The following POLE2 variants were observed in gnomAD, a reference collection of about 807,000 sequenced individuals.
POLE2 encodes the protein DNA polymerase epsilon subunit 2.
POLE2 carries 56 observed loss-of-function variants against 79.4 expected under a neutral mutation model. That is an observed-to-expected ratio of 0.71 (90% CI 0.57 to 0.88). The LOEUF (loss-of-function observed/expected upper bound fraction) is 0.88. POLE2 is among the 40% of genes least tolerant of loss of function. The probability of loss-of-function intolerance (pLI) is 0.00; values close to 1 mark genes in which losing one functional copy is unlikely to be tolerated. For synonymous variants in POLE2, 212 were observed against 214.0 expected (o/e 0.99, Z 0.08); for missense variants, 598 against 638.9 (o/e 0.94, Z 0.69).
At chr14:49,685,835 G>C (rs1335280405) in intron 1 of POLE2, among the ~76,000 whole-genome samples, 1 of 151,608 alleles carries the variant, frequency 6.6e-6, no homozygotes, top group Non-Finnish European at 1.5e-5. Context: ...CATCATGTTG[G>C]TCAGGCCGGT....
chr14:49,680,372 C>CT lies in POLE2; in HGVS notation c.170-573dup, dbSNP rs145136202. Among the ~76,000 whole-genome samples the CT allele has an allele frequency of 1.8e-4, 27 of 151,886 alleles. No homozygotes were observed. The East Asian group carries it at 5.2e-3, about 29-fold the overall frequency. On this transcript the variant is annotated intron_variant, in intron 2 of 18. Transcript: ENST00000216367. ...CTATCTCAAAAAAAAAAAAAATTCT[C>CT]TAAGCTCCCAGTTTTAATAAGGTTA... is the stretch of plus-strand genomic sequence containing the variant.
At position 49,669,549 on chromosome 14, in the gene POLE2, G is replaced by T; in HGVS notation, c.467C>A (p.Pro156His). The change falls in exon 6 of 19, where the codon CCT (proline) becomes CAT (histidine). Residue 156 changes from proline (P) to histidine (H), a missense_variant. Coordinates refer to ENST00000216367, the MANE Select transcript of POLE2 (RefSeq NM_002692.4). The part of the protein sequence containing the change: ...LFTPPVIGSH[P>H]DESGSKFQLK... ...CTGGAATTTGCTTCCGCTTTCATCA[G>T]GGTGAGAACCTATCACCGGAGGAGT... The T allele has an allele frequency of 6.3e-7, 1 of 1,597,176 alleles. No homozygotes were observed. The highest frequency in any genetic ancestry group is 8.6e-7 in the Non-Finnish European group (1 of 1,164,668).
At chr14:49,676,929 G>C (rs1297012740) in intron 3 of POLE2, among the ~76,000 whole-genome samples, 1 of 152,236 alleles carries the variant, frequency 6.6e-6, no homozygotes, top group Non-Finnish European at 1.5e-5. Context: ...CACTCATCCT[G>C]GACGAGCCCT....
intron 3 of POLE2, 143 bp from the exon 4 acceptor site, chr14:49,674,570 T>G: frequency 1.6e-6 from 1 of 624,506 alleles, no homozygotes; most frequent in Non-Finnish European, 2.9e-6. Flanking sequence ...TTTTTCTTTT[T>G]CTTTTTCTTT....
At chr14:49,652,165 C>CTGAGGGGAA (rs1884297448) in intron 15 of POLE2, among the ~76,000 whole-genome samples, 1 of 38,624 alleles carries the variant, frequency 2.6e-5, no homozygotes, top group Non-Finnish European at 7.7e-5. Flanking sequence ...GAATAGAATA[C>CTGAGGGGAA]GGAGAGGAGA....
intron 17 of POLE2, among the ~76,000 whole-genome samples, chr14:49,648,833 C>G (rs1350121363): frequency 3.9e-5 from 6 of 152,320 alleles, no homozygotes; most frequent in South Asian, 4.1e-4. Flanking sequence ...AAAGTAGAGA[C>G]AGGCCCTTTC....
Position 49,683,665 on chromosome 14 carries a change from G to C in POLE2, c.97C>G (p.Leu33Val). 1 of 1,582,558 alleles carries C rather than the reference G, an allele frequency of 6.3e-7. No individual in the cohort carries two copies. The highest frequency in any genetic ancestry group is 8.7e-7 in the Non-Finnish European group (1 of 1,154,490). The change falls in exon 2 of 19, where the codon CTT (leucine) becomes GTT (valine). Residue 33 changes from leucine (L) to valine (V), a missense_variant. Transcript: ENST00000216367. ...GEAIKYLTEALQSISELELED... is the reference protein window; with the variant it reads ...GEAIKYLTEAVQSISELELED... ...AGCTCTAATTCACTGATAGACTGAA[G>C]AGCTTCTGTGAGGTACTTAATAGCT...
chr14:49,649,053 A>G (rs1447503776), intron 17 of POLE2, among the ~76,000 whole-genome samples: 1 of 148,100 alleles, frequency 6.8e-6, no homozygotes, highest in Non-Finnish European at 1.5e-5. Flanking sequence ...TGGAGATAAT[A>G]TTTTGTTTGA....
chr14:49,654,904 T>A, intron 12 of POLE2, 66 bp from the exon 13 acceptor site: 4 of 1,431,024 alleles, frequency 2.8e-6, no homozygotes, highest in Non-Finnish European at 2.8e-6. Context: ...TTTGATTAGA[T>A]ACAATCCTGT....
chr14:49,647,932 T>C (rs936424387), intron 17 of POLE2, among the ~76,000 whole-genome samples: 4 of 152,182 alleles, frequency 2.6e-5, no homozygotes, highest in East Asian at 1.9e-4. Context: ...GGCTAGACAG[T>C]CTTAATGCTA....
At position 49,688,171 on chromosome 14, in the gene POLE2, G is replaced by A. The variant is rs779765032; in HGVS notation, c.33C>T (p.Leu11=). The A allele has an allele frequency of 1.1e-5, 17 of 1,549,706 alleles. No individual in the cohort carries two copies. Among genetic ancestry groups the A allele is most frequent in the African/African-American group, 2.8e-5 (2 of 71,066 alleles). MAPERLRSRA[L]SAFKLRGLLL... ...GCAAGCCCCGCAACTTGAAGGCGGA[G>A]AGCGCCCGGCTCCGCAGCCGCTCCG... The change falls in exon 1 of 19, where the codon CTC becomes CTT. Residue 11 remains leucine (L), a synonymous_variant. Coordinates refer to ENST00000216367, the MANE Select transcript of POLE2 (RefSeq NM_002692.4).
At chr14:49,687,995 AC>A (rs1887284044) in intron 1 of POLE2, 140 bp downstream of exon 1, 1 of 679,056 alleles carries the variant, frequency 1.5e-6, no homozygotes, top group Non-Finnish European at 2.5e-6. Context: ...ACCGCGCCCG[AC>A]CGCTTCTTAG....
chr14:49,688,135 C>T lies in POLE2; in HGVS notation c.68+1G>A. 6.4e-7 allele frequency: 1 copy of T among 1,554,392 alleles called. No individual in the cohort carries two copies. On this transcript the variant is annotated splice_donor_variant, in intron 1 of 18. Transcript: ENST00000216367. LOFTEE classifies it high-confidence loss of function. ...CCTTCAAGCTGCCCGAGCCCACTCA[C>T]CCACGGAGCAGCAAGCCCCGCAACT...
At position 49,654,775 on chromosome 14, in the gene POLE2, G is replaced by T; in HGVS notation, c.1073+9C>A. The T allele has an allele frequency of 3.4e-6, 5 of 1,484,862 alleles. No homozygotes were observed. Among genetic ancestry groups the T allele is most frequent in the Non-Finnish European group, 4.4e-6 (5 of 1,123,880 alleles). The allele number at this position is 1,484,862 out of a possible 1,614,324, so 92.0% of individuals were successfully genotyped here. A position where few individuals can be genotyped will look rare whatever the true frequency, so the allele number is the denominator to read the frequency against. ...CGGTGAAAAAATATATAGTGCTAGA[G>T]ATCATTACCTTTGGTGAATATCTGG... is the stretch of plus-strand genomic sequence containing the variant. On this transcript the variant is annotated intron_variant, in intron 13 of 18. Transcript: ENST00000216367.
chr14:49,674,136 G>A lies in POLE2; in HGVS notation c.404C>T (p.Thr135Ile), dbSNP rs376373426. The A allele has an allele frequency of 3.1e-6, 5 of 1,608,170 alleles. No individual in the cohort carries two copies. The highest frequency in any genetic ancestry group is 4.3e-6 in the Non-Finnish European group (5 of 1,174,866). Residue 135 changes from threonine to isoleucine, a missense_variant, in exon 5 of 19, where the codon ACC (threonine) becomes ATC (isoleucine). By Grantham distance (89) the Thr-to-Ile change is moderately conservative (BLOSUM62 -1). Transcript: ENST00000216367. ...DKAEMFRERY[T>I]ILHQRTHRHE... is the part of the protein sequence containing the mutation. ...TACCAAACTTACCTGGTGCAAAATG[G>A]TATATCGCTCACGAAACATCTCTGC... is the stretch of plus-strand genomic sequence containing the variant.
intron 15 of POLE2, among the ~76,000 whole-genome samples, chr14:49,652,604 G>A (rs1884354047): frequency 1.3e-5 from 2 of 152,222 alleles, no homozygotes; most frequent in South Asian, 4.1e-4. Flanking sequence ...CACGAATCCT[G>A]TTGTGAACTG....
rs768062098 is a variant in POLE2 at position 49,651,349 on chromosome 14, C to T, written c.1240G>A (p.Val414Ile). 1 of 1,580,560 alleles carries T rather than the reference C, an allele frequency of 6.3e-7. No homozygotes were observed. The highest frequency in any genetic ancestry group is 8.7e-7 in the Non-Finnish European group (1 of 1,151,136). The change falls in exon 16 of 19, where the codon GTC (valine) becomes ATC (isoleucine). Residue 414 changes from valine (V) to isoleucine (I), a missense_variant. Coordinates refer to ENST00000216367, the MANE Select transcript of POLE2 (RefSeq NM_002692.4). The stretch of plus-strand genomic sequence containing the variant: ...TTATTTACTAAGTCTTCACGGAAGA[C>T]AGTAATTTCCTGTGTACAGTACTGA... Reference protein sequence around the residue: ...RIQYCTQEITVFREDLVNKMC... With the variant: ...RIQYCTQEITIFREDLVNKMC...
At chr14:49,656,676 T>C (rs1352444282) in intron 10 of POLE2, among the ~76,000 whole-genome samples, 3 of 152,160 alleles carry the variant, frequency 2.0e-5, no homozygotes, top group African/African-American at 7.2e-5. Flanking sequence ...CCACCACTCT[T>C]GCCCACTCTA....
intron 5 of POLE2, 32 bp from the exon 6 acceptor site, chr14:49,669,630 G>C: frequency 9.1e-7 from 1 of 1,099,854 alleles, no homozygotes; most frequent in Non-Finnish European, 1.4e-6. Context: ...ATGAATTCCT[G>C]AAACAGACAT....
Sources: allele counts gnomAD v4.1 joint callset (sites outside exome capture counted in the v4.1 genomes callset), GRCh38; gene constraint gnomAD v4.1.1; transcripts MANE v1.5; gene names NCBI Gene and HGNC (gene_info 2026-07-23, HGNC 2026-07-21).